RASEF: variants seen among roughly 807,000 people sequenced by gnomAD.
RASEF encodes ras and EF-hand domain-containing protein.
In RASEF, 68 loss-of-function variants were observed where a neutral mutation model predicts 90.1. The ratio of observed to expected loss-of-function variants is 0.75; its 90% CI spans 0.62 to 0.92. The LOEUF is 0.92. Among genes scored for constraint, RASEF ranks in the 40% least tolerant of loss-of-function variants. The pLI is 0.00. For synonymous variants in RASEF, 331 were observed against 345.2 expected (o/e 0.96, Z 0.46); for missense variants, 949 against 937.2 (o/e 1.01, Z -0.16).
At chr9:83,119,030 T>C in the RASEF span, among the ~76,000 whole-genome samples, 1 of 150,156 alleles carries the variant, frequency 6.7e-6, no homozygotes, top group Non-Finnish European at 1.5e-5. Flanking sequence ...TTTTTAAAGA[T>C]GGAGTCTTGC....
the RASEF span, among the ~76,000 whole-genome samples, chr9:83,095,773 T>C: frequency 6.6e-6 from 1 of 152,094 alleles, no homozygotes; most frequent in East Asian, 1.9e-4. Context: ...GCCTATCTTA[T>C]CATAGTCTAC....
chr9:83,102,329 C>T, the RASEF span, among the ~76,000 whole-genome samples: 3 of 152,136 alleles, frequency 2.0e-5, no homozygotes, highest in Non-Finnish European at 2.9e-5. Context: ...CCACCCACTT[C>T]GGCCTCCCAG....
At chr9:83,154,749 A>G in the RASEF span, among the ~76,000 whole-genome samples, 1 of 152,220 alleles carries the variant, frequency 6.6e-6, no homozygotes, top group African/African-American at 2.4e-5. Context: ...GCATTGGCAT[A>G]CTATTTTCTT....
chr9:83,180,633 T>C, the RASEF span, among the ~76,000 whole-genome samples: 3 of 152,142 alleles, frequency 2.0e-5, no homozygotes, highest in African/African-American at 7.2e-5. Flanking sequence ...TAGCATTTAT[T>C]GTATTACTGT....
At chr9:82,987,535 T>C (rs1267753610) in intron 16 of RASEF, among the ~76,000 whole-genome samples, 1 of 152,142 alleles carries the variant, frequency 6.6e-6, no homozygotes, top group African/African-American at 2.4e-5. Context: ...GGCCAACACG[T>C]GGCTGACCCA....
chr9:83,029,676 G>A (rs1161413438), intron 1 of RASEF, among the ~76,000 whole-genome samples: 3 of 150,762 alleles, frequency 2.0e-5, no homozygotes, highest in African/African-American at 4.9e-5. Context: ...CTCCCAAAGT[G>A]CTGGGATTAC....
At chr9:83,155,466 A>G in the RASEF span, among the ~76,000 whole-genome samples, 4 of 152,214 alleles carry the variant, frequency 2.6e-5, no homozygotes, top group Non-Finnish European at 5.9e-5. Flanking sequence ...ATTTCCCCCT[A>G]TAAAACCATC....
the RASEF span, among the ~76,000 whole-genome samples, chr9:83,170,020 TG>T: frequency 2.6e-5 from 4 of 152,000 alleles, no homozygotes; most frequent in Non-Finnish European, 4.4e-5. Flanking sequence ...TGTCCTGAAA[TG>T]GTTCCCCAAT....
At chr9:83,157,344 G>A in the RASEF span, among the ~76,000 whole-genome samples, 1 of 152,310 alleles carries the variant, frequency 6.6e-6, no homozygotes, top group Admixed American at 6.5e-5. Flanking sequence ...TAATCCCTCT[G>A]CTCTAGGGCT....
the RASEF span, among the ~76,000 whole-genome samples, chr9:83,160,103 G>A: frequency 2.0e-5 from 3 of 152,246 alleles, no homozygotes; most frequent in South Asian, 4.1e-4. Context: ...AGTAGCTTGA[G>A]AACAAACTAA....
intron 7 of RASEF, among the ~76,000 whole-genome samples, chr9:83,007,042 C>T (rs1344222011): frequency 5.5e-5 from 8 of 146,056 alleles, no homozygotes; most frequent in Admixed American, 2.8e-4. Flanking sequence ...TGCAGTGAGC[C>T]GAGATTGCAC....
the RASEF span, among the ~76,000 whole-genome samples, chr9:83,126,916 C>T: frequency 2.6e-5 from 4 of 152,290 alleles, no homozygotes; most frequent in East Asian, 1.9e-4. Flanking sequence ...GGATTCCCAG[C>T]GCTGCTTGTT....
chr9:82,989,596 A>G (rs888981043), intron 16 of RASEF, among the ~76,000 whole-genome samples: 3 of 152,200 alleles, frequency 2.0e-5, no homozygotes, highest in African/African-American at 7.2e-5. Context: ...AGAAAAGGCC[A>G]ATTATCATAC....
intron 7 of RASEF, among the ~76,000 whole-genome samples, chr9:83,006,646 T>A (rs953092025): frequency 6.6e-6 from 1 of 152,088 alleles, no homozygotes; most frequent in African/African-American, 2.4e-5. Context: ...GGAACTGCTA[T>A]AACCTAGTCA....
chr9:83,103,967 C>T, the RASEF span, among the ~76,000 whole-genome samples: 1 of 152,160 alleles, frequency 6.6e-6, no homozygotes, highest in African/African-American at 2.4e-5. Context: ...AGGCCCTTCA[C>T]TCCCAAGAGA....
the RASEF span, among the ~76,000 whole-genome samples, chr9:83,109,632 A>C: frequency 2.0e-5 from 3 of 152,208 alleles, no homozygotes; most frequent in East Asian, 1.9e-4. Context: ...TACTGCCTTC[A>C]TAGCTGCTGT....
At chr9:83,162,355 T>C in the RASEF span, among the ~76,000 whole-genome samples, 3 of 152,144 alleles carry the variant, frequency 2.0e-5, no homozygotes, top group Non-Finnish European at 2.9e-5. Context: ...AGAAAACTGC[T>C]GGAGATGGTA....
At chr9:83,084,664 C>A in the RASEF span, among the ~76,000 whole-genome samples, 1 of 152,064 alleles carries the variant, frequency 6.6e-6, no homozygotes, top group Non-Finnish European at 1.5e-5. Flanking sequence ...TTTTTCCCAC[C>A]CGTCTGTATC....
At chr9:83,007,314 C>A in intron 7 of RASEF, 123 bp downstream of exon 7, 7 of 745,562 alleles carry the variant, frequency 9.4e-6, no homozygotes, top group Non-Finnish European at 1.4e-5. Context: ...TGAGAAGAAA[C>A]ACCCACTGAC....
Sources: allele counts gnomAD v4.1 joint callset (sites outside exome capture counted in the v4.1 genomes callset), GRCh38; gene constraint gnomAD v4.1.1; transcripts MANE v1.5; gene names NCBI Gene and HGNC (gene_info 2026-07-23, HGNC 2026-07-21).